Variants in IL1RAPL2 observed in about 807,000 individuals in gnomAD.
IL1RAPL2 encodes the protein X-linked interleukin-1 receptor accessory protein-like 2.
In IL1RAPL2, 3 loss-of-function variants were observed where a neutral mutation model predicts 44.1. That is an observed-to-expected ratio of 0.07 (90% CI 0.03 to 0.18). The LOEUF (loss-of-function observed/expected upper bound fraction) is 0.18. IL1RAPL2 is among the 10% of genes least tolerant of loss of function. The pLI is 1.00. For synonymous variants in IL1RAPL2, 181 were observed against 178.8 expected (o/e 1.01, Z -0.10); for missense variants, 391 against 496.4 (o/e 0.79, Z 2.02).
At chrX:105,659,668 A>G (rs1173538452) in intron 6 of IL1RAPL2, among the ~76,000 whole-genome samples, 1 of 108,152 alleles carries the variant, frequency 9.2e-6, no homozygotes, top group Non-Finnish European at 1.9e-5. Context: ...AAAAAAATAA[A>G]TAAAATAAAA....
At chrX:104,823,390 T>C (rs1331798958) in intron 2 of IL1RAPL2, among the ~76,000 whole-genome samples, 8 of 110,777 alleles carry the variant, frequency 7.2e-5, no homozygotes, top group Non-Finnish European at 1.3e-4. Context: ...GAGAATGATG[T>C]TTTCCAATTT....
At chrX:104,570,202 AC>A (rs1450913598) in intron 1 of IL1RAPL2, among the ~76,000 whole-genome samples, 1 of 112,123 alleles carries the variant, frequency 8.9e-6, no homozygotes, top group Non-Finnish European at 1.9e-5. Context: ...AGAAACTCAC[AC>A]CTTTTAATCT....
rs1237535948 is a variant in IL1RAPL2 at position 105,363,277 on chromosome X, G to GTATATATATATAATATATA, written c.697+95768_697+95786dup. 2.0e-3 allele frequency among the ~76,000 whole-genome samples: 162 copies of GTATATATATATAATATATA among 81,038 alleles called. 2 individuals are homozygous for GTATATATATATAATATATA. Among genetic ancestry groups the GTATATATATATAATATATA allele is most frequent in the Non-Finnish European group, 2.6e-3 (111 of 43,143 alleles). 70.4% of individuals were successfully genotyped at this position (81,038 alleles called of 115,157 possible). On this transcript the variant is annotated intron_variant, in intron 5 of 10. Coordinates refer to ENST00000372582, the MANE Select transcript of IL1RAPL2 (RefSeq NM_017416.2). ...TATACATGTGTTTATATATATGTGT[G>GTATATATATATAATATATA]TATATATATATAATATATATATATA...
chrX:105,299,387 T>G (rs1603053099), intron 5 of IL1RAPL2, among the ~76,000 whole-genome samples: 2 of 111,039 alleles, frequency 1.8e-5, no homozygotes, highest in East Asian at 5.7e-4. Flanking sequence ...AACCTCAAAT[T>G]AATCTCCCCA....
chrX:104,582,873 TC>T (rs1451227726), intron 1 of IL1RAPL2, among the ~76,000 whole-genome samples: 10 of 90,653 alleles, frequency 1.1e-4, no homozygotes, highest in Admixed American at 1.3e-4. Context: ...TCTTTCTTTT[TC>T]TTTTCTTTTC....
At chrX:105,179,422 G>A (rs2033506827) in intron 2 of IL1RAPL2, among the ~76,000 whole-genome samples, 1 of 111,946 alleles carries the variant, frequency 8.9e-6, no homozygotes, top group African/African-American at 3.3e-5. Flanking sequence ...ATCACGTAAT[G>A]TGATGCCTGC....
chrX:104,738,044 A>G (rs1301300698), intron 2 of IL1RAPL2, among the ~76,000 whole-genome samples: 1 of 112,099 alleles, frequency 8.9e-6, no homozygotes, highest in African/African-American at 3.2e-5. Context: ...AGTCATTGTA[A>G]TTTTGTTTCT....
intron 2 of IL1RAPL2, among the ~76,000 whole-genome samples, chrX:104,773,960 C>G (rs1029368319): frequency 3.6e-5 from 4 of 111,991 alleles, no homozygotes; most frequent in Non-Finnish European, 5.6e-5. Flanking sequence ...GTATAACTAC[C>G]CGTAGTGCCA....
intron 2 of IL1RAPL2, among the ~76,000 whole-genome samples, chrX:105,084,501 A>T (rs2032455070): frequency 8.9e-6 from 1 of 112,586 alleles, no homozygotes; most frequent in South Asian, 3.7e-4. Context: ...TTGATTTTGG[A>T]TTTGCATAGG....
intron 2 of IL1RAPL2, among the ~76,000 whole-genome samples, chrX:104,748,609 A>G (rs1932212110): frequency 9.0e-6 from 1 of 111,157 alleles, no homozygotes; most frequent in Admixed American, 9.6e-5. Context: ...GAAAAAGCCA[A>G]ACTTCCCATG....
chrX:105,241,050 AAAAC>A (rs1319624484), intron 4 of IL1RAPL2, among the ~76,000 whole-genome samples: 21 of 111,522 alleles, frequency 1.9e-4, no homozygotes, highest in East Asian at 2.8e-4. Context: ...AGACTGTCTC[AAAAC>A]AAACAAATAA....
intron 5 of IL1RAPL2, among the ~76,000 whole-genome samples, chrX:105,430,795 G>A (rs925228564): frequency 4.5e-5 from 5 of 111,741 alleles, no homozygotes; most frequent in Admixed American, 3.8e-4. Flanking sequence ...TTGGCAATCT[G>A]TAAATTGAAT....
intron 6 of IL1RAPL2, among the ~76,000 whole-genome samples, chrX:105,659,086 C>A: frequency 9.0e-6 from 1 of 110,529 alleles, no homozygotes; most frequent in African/African-American, 3.3e-5. Flanking sequence ...GAGATCATGC[C>A]ATTGTGCTCC....
chrX:104,970,921 G>C (rs1368403484), intron 2 of IL1RAPL2, among the ~76,000 whole-genome samples: 1 of 112,332 alleles, frequency 8.9e-6, no homozygotes, highest in African/African-American at 3.2e-5. Context: ...CTCTGGGTCA[G>C]TAGATGGGAT....
At chrX:105,305,701 G>C (rs1350531822) in intron 5 of IL1RAPL2, among the ~76,000 whole-genome samples, 1 of 111,966 alleles carries the variant, frequency 8.9e-6, no homozygotes, top group Non-Finnish European at 1.9e-5. Flanking sequence ...ACTCTTGCTG[G>C]ATAATAAGGT....
chrX:105,662,511 A>T (rs1183386306), intron 6 of IL1RAPL2, among the ~76,000 whole-genome samples: 4 of 112,152 alleles, frequency 3.6e-5, no homozygotes, highest in Non-Finnish European at 3.8e-5. Flanking sequence ...TGAAAAATAT[A>T]CACACATTAT....
intron 2 of IL1RAPL2, among the ~76,000 whole-genome samples, chrX:105,035,084 C>T (rs1352876993): frequency 9.0e-5 from 10 of 111,571 alleles, no homozygotes; most frequent in Middle Eastern, 4.6e-3. Context: ...TTTTTAAGCC[C>T]GTTGGAAAAG....
At chrX:104,798,429 C>T (rs749541293) in intron 2 of IL1RAPL2, among the ~76,000 whole-genome samples, 8 of 108,743 alleles carry the variant, frequency 7.4e-5, no homozygotes, top group Non-Finnish European at 1.1e-4. Context: ...GAGGCCGAGG[C>T]GGGCGGATCA....
chrX:104,787,098 T>G (rs1932803411), intron 2 of IL1RAPL2, among the ~76,000 whole-genome samples: 1 of 110,705 alleles, frequency 9.0e-6, no homozygotes, highest in South Asian at 3.9e-4. Flanking sequence ...ACCCACTTTG[T>G]GCCAGGCAAC....
Sources: allele counts gnomAD v4.1 joint callset (sites outside exome capture counted in the v4.1 genomes callset), GRCh38; gene constraint gnomAD v4.1.1; transcripts MANE v1.5; gene names NCBI Gene and HGNC (gene_info 2026-07-23, HGNC 2026-07-21).